MS4A4E: variants seen among roughly 807,000 people sequenced by gnomAD.
MS4A4E encodes putative membrane-spanning 4-domains subfamily A member 4E.
MS4A4E carries 23 observed loss-of-function variants against 13.3 expected under a neutral mutation model. The observed-to-expected ratio is 1.73, with a 90% CI of 1.25 to 2.45. MS4A4E has a LOEUF of 2.45. MS4A4E is among the 30% of genes most tolerant of loss of function. The probability of loss-of-function intolerance (pLI) is 0.00; values close to 1 mark genes in which losing one functional copy is unlikely to be tolerated. For synonymous variants in MS4A4E, 36 were observed against 45.6 expected, an observed-to-expected ratio of 0.79 and a Z score of 0.85; for missense variants, 144 against 131.2, an observed-to-expected ratio of 1.10 and a Z score of -0.48.
intron 3 of MS4A4E, among the ~76,000 whole-genome samples, chr11:60,220,870 T>C (rs911317474): frequency 5.3e-5 from 8 of 152,178 alleles, no homozygotes; most frequent in African/African-American, 1.9e-4. Context: ...ACTTGGCCCA[T>C]TAATCAAGAG....
intron 5 of MS4A4E, among the ~76,000 whole-genome samples, chr11:60,209,353 T>C (rs1408452692): frequency 6.6e-6 from 1 of 152,144 alleles, no homozygotes; most frequent in Non-Finnish European, 1.5e-5. Context: ...AGGTAGAGGA[T>C]GGGATGACAA....
chr11:60,225,922 TAAGAGA>T (rs2084335736), intron 3 of MS4A4E, among the ~76,000 whole-genome samples: 1 of 151,336 alleles, frequency 6.6e-6, no homozygotes, highest in Non-Finnish European at 1.5e-5. Context: ...TTAGCCAGTC[TAAGAGA>T]AAGAGAGAGA....
chr11:60,237,056 C>G (rs2084492815), intron 1 of MS4A4E, among the ~76,000 whole-genome samples: 1 of 152,110 alleles, frequency 6.6e-6, no homozygotes, highest in Admixed American at 6.5e-5. Flanking sequence ...TGTTTTAAGC[C>G]TAGTACCTAT....
chr11:60,229,930 C>A lies in MS4A4E; in HGVS notation c.126G>T (p.Arg42Ser), dbSNP rs267603050. 6.2e-7 allele frequency: 1 copy of A among 1,608,962 alleles called. No individual in the cohort carries two copies. Among genetic ancestry groups the A allele is most frequent in the East Asian group, 2.2e-5 (1 of 44,818 alleles). ...CKGLQEKFFK[R>S]KPKVLGVLCG... ...GACTTACCCCAAGGACTTTGGGTTTCCTCTTGAAGAACTTCTCTTGCAATC... is the reference window on the plus strand; with the variant it reads ...GACTTACCCCAAGGACTTTGGGTTTACTCTTGAAGAACTTCTCTTGCAATC... The change falls in exon 2 of 9, where the codon AGG becomes AGT. Residue 42 changes from arginine to serine, a missense_variant. By Grantham distance (110) the Arg-to-Ser change is moderately radical. This residue lies in a region of MS4A4E where 119 missense variants were observed against 88.7 expected (regional missense o/e 1.34). Transcript: ENST00000651255.
In MS4A4E at chr11:60,201,632, T is replaced by A. The variant is rs1283335589; in HGVS notation, c.907A>T (p.Ile303Phe). The change falls in exon 9 of 9, where the codon ATC becomes TTC. Residue 303 changes from isoleucine to phenylalanine, a missense_variant. Around this residue, in one of 3 missense-constraint regions of MS4A4E, gnomAD observed 21 missense variants for 25.1 expected, o/e 0.84. Coordinates refer to ENST00000651255, the MANE Select transcript of MS4A4E (RefSeq NM_001393391.1). Reference sequence around the variant, plus strand: ...GGCGCTCCCCACTTCCTAGATGGGATGGCAGCCGGGCAGAGACGCTCCTCA... The same window carrying A: ...GGCGCTCCCCACTTCCTAGATGGGAAGGCAGCCGGGCAGAGACGCTCCTCA... ...ESEERLCPAA[I>F]PSRKWGAPLP... 7 of 313,188 alleles carry A rather than the reference T, an allele frequency of 2.2e-5. No homozygotes were observed. Among genetic ancestry groups the A allele is most frequent in the East Asian group, 1.6e-4 (1 of 6,306 alleles). 19.4% of individuals were successfully genotyped at this position (313,188 alleles called of 1,614,324 possible). A position where few individuals can be genotyped will look rare whatever the true frequency, so the allele number is the denominator to read the frequency against.
chr11:60,203,854 C>T (rs1377548477), intron 8 of MS4A4E, among the ~76,000 whole-genome samples: 1 of 152,126 alleles, frequency 6.6e-6, no homozygotes, highest in Non-Finnish European at 1.5e-5. Flanking sequence ...ATCCTAATCA[C>T]TTATAGATAG....
chr11:60,217,360 C>A (rs181228443), intron 3 of MS4A4E, among the ~76,000 whole-genome samples: 4 of 152,180 alleles, frequency 2.6e-5, no homozygotes, highest in Admixed American at 2.6e-4. Flanking sequence ...TGGGGATGTG[C>A]GGTAGAACCT....
chr11:60,234,366 C>A lies in MS4A4E; in HGVS notation c.-16-4295G>T, dbSNP rs755717360. ...GGATGAAATGCTATGATTTCACTGT[C>A]CCCTCTAAAACTCATGTGAAAACTT... On this transcript the variant is annotated intron_variant, in intron 1 of 8. Transcript: ENST00000651255. Among the ~76,000 whole-genome samples the A allele has an allele frequency of 5.3e-5, 8 of 152,042 alleles. No homozygotes were observed. The South Asian group carries it at 6.2e-4, about 12-fold the overall frequency.
intron 1 of MS4A4E, among the ~76,000 whole-genome samples, chr11:60,236,345 T>C (rs1187928168): frequency 1.3e-5 from 2 of 152,222 alleles, no homozygotes; most frequent in African/African-American, 4.8e-5. Flanking sequence ...TAAGGTTGCT[T>C]GAATTTTTTA....
chr11:60,238,673 C>T (rs1221496374), intron 1 of MS4A4E, among the ~76,000 whole-genome samples: 1 of 152,138 alleles, frequency 6.6e-6, no homozygotes, highest in African/African-American at 2.4e-5. Flanking sequence ...TCACTCTAGT[C>T]TTTATTATTT....
At chr11:60,217,929 T>G (rs1023430875) in intron 3 of MS4A4E, among the ~76,000 whole-genome samples, 3 of 152,218 alleles carry the variant, frequency 2.0e-5, no homozygotes, top group Admixed American at 2.0e-4. Flanking sequence ...ATTCAGGGAA[T>G]AAGAGAGAGA....
In MS4A4E at chr11:60,213,098, G is replaced by A; in HGVS notation, c.257C>T (p.Ser86Leu). Reference sequence around the variant, plus strand: ...TAAGATCCCTGATATAGCCAAGACTGAACTGGTGATATTCTTTCCTAGACT... The same window carrying A: ...TAAGATCCCTGATATAGCCAAGACTAAACTGGTGATATTCTTTCCTAGACT... ...GGSLGKNITS[S>L]VLAISGILIN... The change falls in exon 5 of 9, where the codon TCA (serine) becomes TTA (leucine). Residue 86 changes from serine to leucine, a missense_variant. Transcript: ENST00000651255. 1 of 579,292 alleles carries A rather than the reference G, an allele frequency of 1.7e-6. No individual in the cohort carries two copies. Among genetic ancestry groups the A allele is most frequent in the East Asian group, 2.9e-5 (1 of 33,970 alleles). The allele number at this position is 579,292 out of a possible 1,614,324, so 35.9% of individuals were successfully genotyped here. A position where few individuals can be genotyped will look rare whatever the true frequency, so the allele number is the denominator to read the frequency against.
rs1052685835 is a variant in MS4A4E at position 60,213,053 on chromosome 11, G to A, written c.302C>T (p.Thr101Met). 1.3e-5 allele frequency: 6 copies of A among 473,622 alleles called. No individual in the cohort carries two copies. Among genetic ancestry groups the A allele is most frequent in the Middle Eastern group, 4.5e-4 (1 of 2,238 alleles). 29.3% of individuals were successfully genotyped at this position (473,622 alleles called of 1,614,324 possible). Residue 101 changes from threonine (T) to methionine (M), a missense_variant, in exon 5 of 9, where the codon ACG becomes ATG. Thr to Met is a moderately conservative substitution (Grantham distance 81). Coordinates refer to ENST00000651255, the MANE Select transcript of MS4A4E (RefSeq NM_001393391.1). The stretch of plus-strand genomic sequence containing the variant: ...GTAATGGTAACGGAATGAATAAAAC[G>A]TCAAGCTTATTGCATTGATTAAGAT... ...SGILINAISL[T>M]FYSFRYHYCN...
chr11:60,225,686 T>A (rs2084331875), intron 3 of MS4A4E, among the ~76,000 whole-genome samples: 1 of 151,936 alleles, frequency 6.6e-6, no homozygotes, highest in South Asian at 2.1e-4. Context: ...TAACATTGAA[T>A]GAATATATTA....
chr11:60,236,454 T>C (rs976221834), intron 1 of MS4A4E, among the ~76,000 whole-genome samples: 1 of 152,134 alleles, frequency 6.6e-6, no homozygotes, highest in African/African-American at 2.4e-5. Flanking sequence ...TTTCATTTGT[T>C]TAAATTTTCT....
At chr11:60,213,905 CT>C (rs370255031) in intron 4 of MS4A4E, among the ~76,000 whole-genome samples, 66 of 146,460 alleles carry the variant, frequency 4.5e-4, no homozygotes, top group South Asian at 1.1e-3. Context: ...TTGGAATCTA[CT>C]TTTTTTTTTT....
At position 60,228,629 on chromosome 11, in the gene MS4A4E, T is replaced by G; in HGVS notation, c.145-2A>C. ...TGAAAACTTATGTCCACACAAAACC[T>G]GCACACAGATATTTATAGCAACGTT... On this transcript the variant is annotated splice_acceptor_variant, in intron 2 of 8. Coordinates refer to ENST00000651255, the MANE Select transcript of MS4A4E (RefSeq NM_001393391.1). LOFTEE classifies it high-confidence loss of function. 1 of 697,738 alleles carries G rather than the reference T, an allele frequency of 1.4e-6. No homozygotes were observed. The highest frequency in any genetic ancestry group is 2.6e-6 in the Non-Finnish European group (1 of 382,636). The allele number at this position is 697,738 out of a possible 1,614,324, so 43.2% of individuals were successfully genotyped here. A position where few individuals can be genotyped will look rare whatever the true frequency, so the allele number is the denominator to read the frequency against.
chr11:60,221,682 G>A (rs181870328), intron 3 of MS4A4E, among the ~76,000 whole-genome samples: 1 of 152,298 alleles, frequency 6.6e-6, no homozygotes, highest in East Asian at 1.9e-4. Context: ...ACTGATTCAT[G>A]GGCTATAGCC....
chr11:60,221,673 CTGATT>C (rs2084272036), intron 3 of MS4A4E, among the ~76,000 whole-genome samples: 1 of 152,204 alleles, frequency 6.6e-6, no homozygotes, highest in Non-Finnish European at 1.5e-5. Context: ...CAATTATATA[CTGATT>C]CATGGGCTAT....
Sources: gnomAD v4.1 joint callset for allele counts (sites outside exome capture counted in the v4.1 genomes callset) on GRCh38, gnomAD v4.1.1 for gene constraint, gnomAD v4.1.1 regional missense constraint, MANE v1.5 for transcripts, NCBI Gene and HGNC (gene_info 2026-07-23, HGNC 2026-07-21) for gene names.